ZNF217: variants seen among roughly 807,000 people sequenced by gnomAD.
ZNF217 encodes the protein zinc finger protein 217.
ZNF217 carries 12 observed loss-of-function variants against 73.3 expected under a neutral mutation model. The ratio of observed to expected loss-of-function variants is 0.16; its 90% CI spans 0.10 to 0.27. ZNF217 has a LOEUF of 0.27. ZNF217 is among the 10% of genes least tolerant of loss of function. The pLI is 1.00. For synonymous variants in ZNF217, 588 were observed against 516.4 expected (o/e 1.14, Z -1.88); for missense variants, 1,195 against 1,327.8 (o/e 0.90, Z 1.55).
In ZNF217 at chr20:53,571,860, G is replaced by T; in HGVS notation, c.3038-7C>A. On this transcript the variant is annotated splice_polypyrimidine_tract_variant and splice_region_variant and intron_variant, in intron 4 of 5. Transcript: ENST00000371471. The stretch of plus-strand genomic sequence containing the variant: ...TATGACACAGGCCTTTTTCCTGATT[G>T]AAAAAAAAAACATATTTAGAGTTAA... 1 of 1,465,642 alleles carries T rather than the reference G, an allele frequency of 6.8e-7. No individual in the cohort carries two copies. Among genetic ancestry groups the T allele is most frequent in the Non-Finnish European group, 9.1e-7 (1 of 1,093,006 alleles). 90.8% of individuals were successfully genotyped at this position (1,465,642 alleles called of 1,614,324 possible). A position where few individuals can be genotyped will look rare whatever the true frequency, so the allele number is the denominator to read the frequency against.
At position 53,575,930 on chromosome 20, in the gene ZNF217, T is replaced by C. The variant is rs770462601; in HGVS notation, c.2834A>G (p.Tyr945Cys). 1 of 1,614,156 alleles carries C rather than the reference T, an allele frequency of 6.2e-7. No individual in the cohort carries two copies. Among genetic ancestry groups the C allele is most frequent in the Non-Finnish European group, 8.5e-7 (1 of 1,180,028 alleles). Residue 945 changes from tyrosine to cysteine, a missense_variant, in exon 4 of 6, where the codon TAC becomes TGC. Transcript: ENST00000371471. Reference protein sequence around the residue: ...NYRRGYDLPKYHMVRGITSLL... With the variant: ...NYRRGYDLPKCHMVRGITSLL... ...TGATGTGATGCCTCTGACCATATGG[T>C]ACTTGGGAAGGTCATAGCCTCTTCT...
At chr20:53,575,448 A>C (rs1186785452) in intron 4 of ZNF217, 1 of 316,864 alleles carries the variant, frequency 3.2e-6, no homozygotes, top group Admixed American at 4.6e-5. Context: ...ACTCCAATCT[A>C]GATGACGGAG....
At chr20:53,586,507 C>T (rs186931682) in intron 1 of ZNF217, among the ~76,000 whole-genome samples, 221 of 152,252 alleles carry the variant, frequency 1.5e-3, no homozygotes, top group Admixed American at 2.8e-3. Flanking sequence ...TCCTTATGAC[C>T]CTCCAAAACA....
chr20:53,586,536 G>A (rs1988699433), intron 1 of ZNF217, among the ~76,000 whole-genome samples: 2 of 151,988 alleles, frequency 1.3e-5, no homozygotes, highest in African/African-American at 4.8e-5. Flanking sequence ...GGGCATCCTA[G>A]GGCTATCTCT....
intron 2 of ZNF217, among the ~76,000 whole-genome samples, chr20:53,580,989 T>TCC (rs1189684032): frequency 2.0e-5 from 3 of 152,160 alleles, no homozygotes; most frequent in African/African-American, 7.2e-5. Flanking sequence ...GATGGGGCTG[T>TCC]CCTGTGCACT....
Position 53,581,396 on chromosome 20 carries a change from A to C in ZNF217, c.1366+65T>G. ...GCGTTGTCTGGAGATGGGAATAGAG[A>C]GGGGGAGACGGGGAGACAGACAGAC... On this transcript the variant is annotated intron_variant, in intron 2 of 5. Transcript: ENST00000371471. This position sits in a 1 kb window ranked among gnomAD's most constrained non-coding sequence, Gnocchi z 4.9. 6.6e-7 allele frequency: 1 copy of C among 1,525,176 alleles called. No individual in the cohort carries two copies. The highest frequency in any genetic ancestry group is 1.3e-5 in the South Asian group (1 of 79,000). 94.5% of individuals were successfully genotyped at this position (1,525,176 alleles called of 1,614,324 possible).
chr20:53,576,127 A>G lies in ZNF217; in HGVS notation c.2637T>C (p.Asn879=), dbSNP rs1220782775. Residue 879 remains asparagine (N), a synonymous_variant, in exon 4 of 6, where the codon AAT becomes AAC. Coordinates refer to ENST00000371471, the MANE Select transcript of ZNF217 (RefSeq NM_006526.3). The part of the protein sequence containing the change: ...SQPTLGSSNI[N]GSIDYPAKND... ...TCTTGGCGGGGTAGTCGATGGAACC[A>G]TTGATGTTACTGCTGCCGAGGGTGG... 3 of 1,614,082 alleles carry G rather than the reference A, an allele frequency of 1.9e-6. No individual in the cohort carries two copies. Among genetic ancestry groups the G allele is most frequent in the Non-Finnish European group, 2.5e-6 (3 of 1,180,038 alleles).
At chr20:53,586,092 C>T (rs558391752) in intron 1 of ZNF217, among the ~76,000 whole-genome samples, 25 of 152,272 alleles carry the variant, frequency 1.6e-4, no homozygotes, top group Non-Finnish European at 3.5e-4. Context: ...GATCTAAAAC[C>T]ATCCTGTTTG....
chr20:53,586,589 C>A (rs3971359), intron 1 of ZNF217, among the ~76,000 whole-genome samples: 3 of 152,180 alleles, frequency 2.0e-5, no homozygotes. Flanking sequence ...ACTGCTAACA[C>A]ACTAGACAAA....
upstream of ZNF217, among the ~76,000 whole-genome samples, chr20:53,597,085 A>AG (rs1203967699): frequency 6.6e-6 from 1 of 150,394 alleles, no homozygotes; most frequent in East Asian, 1.9e-4. Flanking sequence ...TAACATAACA[A>AG]AAAAAAAAAA....
At position 53,576,338 on chromosome 20, in the gene ZNF217, T is replaced by G; in HGVS notation, c.2426A>C (p.Asp809Ala). Residue 809 changes from aspartate (D) to alanine (A), a missense_variant, in exon 4 of 6, where the codon GAC (aspartate) becomes GCC (alanine). Transcript: ENST00000371471. ...GTTACTTGGGGCTAAAGTGCTAGAG[T>G]CTATCCCTGAAGTCAGAGGGGCCTT... ...PGKAPLTSGI[D>A]SSTLAPSNLK... The G allele has an allele frequency of 6.2e-7, 1 of 1,614,042 alleles. No homozygotes were observed. Among genetic ancestry groups the G allele is most frequent in the Non-Finnish European group, 8.5e-7 (1 of 1,180,000 alleles).
At chr20:53,584,657 T>C (rs1988624608) in intron 1 of ZNF217, among the ~76,000 whole-genome samples, 1 of 152,246 alleles carries the variant, frequency 6.6e-6, no homozygotes, top group Admixed American at 6.5e-5. Flanking sequence ...CATCTTTCTA[T>C]TATCTATTTA....
At chr20:53,588,157 A>G (rs1988759559) in intron 1 of ZNF217, among the ~76,000 whole-genome samples, 3 of 152,088 alleles carry the variant, frequency 2.0e-5, no homozygotes, top group Non-Finnish European at 4.4e-5. Flanking sequence ...CCAAAGTACT[A>G]TAAAAATATA....
upstream of ZNF217, among the ~76,000 whole-genome samples, chr20:53,597,127 G>C (rs1600736751): frequency 6.7e-6 from 1 of 148,826 alleles, no homozygotes; most frequent in East Asian, 2.0e-4. Context: ...CTGATTTGCT[G>C]TATTTAACAC....
In ZNF217 at chr20:53,571,618, G is replaced by A. The variant is rs531272834; in HGVS notation, c.*23+103C>T. 10 of 1,374,070 alleles carry A rather than the reference G, an allele frequency of 7.3e-6. No homozygotes were observed. In the African/African-American group the frequency reaches 1.0e-4, roughly 14 times the overall value. The allele number at this position is 1,374,070 out of a possible 1,614,324, so 85.1% of individuals were successfully genotyped here. ...ACAGGGGTTTCACCATGTTGGCCAA[G>A]CTGGTCTCAAATGCTCGATCTCAGG... On this transcript the variant is annotated intron_variant, in intron 5 of 5. Coordinates refer to ENST00000371471, the MANE Select transcript of ZNF217 (RefSeq NM_006526.3).
In ZNF217 at chr20:53,578,320, T is replaced by C. The variant is rs766096839; in HGVS notation, c.1483+14A>G. The stretch of plus-strand genomic sequence containing the variant: ...TTTAACTAATGCATGGTTAAAAAAA[T>C]AAAAGTTCTTTACCTGTATGCGTTC... On this transcript the variant is annotated intron_variant, in intron 3 of 5. Coordinates refer to ENST00000371471, the MANE Select transcript of ZNF217 (RefSeq NM_006526.3). The C allele has an allele frequency of 6.5e-7, 1 of 1,532,072 alleles. No individual in the cohort carries two copies. Among genetic ancestry groups the C allele is most frequent in the South Asian group, 1.2e-5 (1 of 80,326 alleles). 94.9% of individuals were successfully genotyped at this position (1,532,072 alleles called of 1,614,324 possible). A position where few individuals can be genotyped will look rare whatever the true frequency, so the allele number is the denominator to read the frequency against.
chr20:53,593,468 T>C (rs538446452), intron 1 of ZNF217, among the ~76,000 whole-genome samples: 1 of 125,240 alleles, frequency 8.0e-6, no homozygotes, highest in South Asian at 2.7e-4. Flanking sequence ...CCGGCGGAGA[T>C]TCAGGGAACC....
chr20:53,569,736 A>G (rs1031674436), intron 5 of ZNF217, among the ~76,000 whole-genome samples: 3 of 152,196 alleles, frequency 2.0e-5, no homozygotes, highest in Admixed American at 6.5e-5. Flanking sequence ...GAGAATGACT[A>G]ACTAGATAAT....
At chr20:53,573,014 A>G (rs1231876328) in intron 4 of ZNF217, among the ~76,000 whole-genome samples, 1 of 152,168 alleles carries the variant, frequency 6.6e-6, no homozygotes, top group African/African-American at 2.4e-5. Flanking sequence ...CACTGGCTCC[A>G]GGACCACCCG....
Sources: gnomAD v4.1 joint callset for allele counts (sites outside exome capture counted in the v4.1 genomes callset) on GRCh38, gnomAD v4.1.1 for gene constraint, Gnocchi (gnomAD v3.1) non-coding constraint, MANE v1.5 for transcripts, NCBI Gene and HGNC (gene_info 2026-07-23, HGNC 2026-07-21) for gene names.